The following PRKDC variants were observed in gnomAD, a reference collection of about 807,000 sequenced individuals.
The protein encoded by PRKDC is protein kinase, DNA-activated, catalytic subunit.
A neutral mutation model predicts 486.9 loss-of-function variants in PRKDC; 82 were observed. That is an observed-to-expected ratio of 0.17 (90% CI 0.14 to 0.20). The LOEUF is 0.20. PRKDC is among the 10% of genes least tolerant of loss of function. The pLI is 1.00. For missense variants in PRKDC, 4,504 were observed against 5,038.2 expected (o/e 0.89, Z 3.21); for synonymous variants, 1,895 against 1,837.0 (o/e 1.03, Z -0.81).
At chr8:47,813,067 CA>C (rs2087367131) in intron 68 of PRKDC, among the ~76,000 whole-genome samples, 1 of 151,526 alleles carries the variant, frequency 6.6e-6, no homozygotes, top group African/African-American at 2.4e-5. Flanking sequence ...TACAATTTAA[CA>C]AAAATGACAC....
At chr8:47,792,786 C>G (rs1052273536) in intron 74 of PRKDC, among the ~76,000 whole-genome samples, 1 of 152,178 alleles carries the variant, frequency 6.6e-6, no homozygotes, top group Non-Finnish European at 1.5e-5. Context: ...AAGAGCTGCT[C>G]TTAGATAAAA....
At chr8:47,855,770 T>C (rs1204042209) in intron 49 of PRKDC, among the ~76,000 whole-genome samples, 2 of 152,212 alleles carry the variant, frequency 1.3e-5, no homozygotes, top group Non-Finnish European at 2.9e-5. Context: ...AGCTCTTCCC[T>C]ATAAAACTGC....
rs2090323738 is a variant in PRKDC at position 47,934,969 on chromosome 8, A to G, written c.1497+40T>C. Reference sequence around the variant, plus strand: ...TCAGCAACATTCCTAGCTTTCAGTGATAACAGATTAATTTTCTAAACATTA... The same window carrying G: ...TCAGCAACATTCCTAGCTTTCAGTGGTAACAGATTAATTTTCTAAACATTA... On this transcript the variant is annotated intron_variant, in intron 14 of 85. Coordinates refer to ENST00000314191, the MANE Select transcript of PRKDC (RefSeq NM_006904.7). The G allele has an allele frequency of 4.2e-6, 6 of 1,424,476 alleles. No individual in the cohort carries two copies. The East Asian group carries it at 1.5e-4, about 35-fold the overall frequency. The allele number at this position is 1,424,476 out of a possible 1,614,324, so 88.2% of individuals were successfully genotyped here. A position where few individuals can be genotyped will look rare whatever the true frequency, so the allele number is the denominator to read the frequency against.
intron 68 of PRKDC, among the ~76,000 whole-genome samples, chr8:47,809,453 G>A (rs2087283468): frequency 6.6e-6 from 1 of 152,188 alleles, no homozygotes; most frequent in Non-Finnish European, 1.5e-5. Flanking sequence ...TGTGAATAAA[G>A]TGCCTGGGAT....
At chr8:47,809,497 G>A (rs1392474379) in intron 68 of PRKDC, among the ~76,000 whole-genome samples, 1 of 152,224 alleles carries the variant, frequency 6.6e-6, no homozygotes, top group Non-Finnish European at 1.5e-5. Flanking sequence ...TCCACAGAAT[G>A]AGACAGACTT....
intron 60 of PRKDC, among the ~76,000 whole-genome samples, chr8:47,831,541 G>A (rs1458940477): frequency 2.0e-5 from 3 of 152,104 alleles, no homozygotes; most frequent in East Asian, 3.9e-4. Flanking sequence ...GCCAGGGCGC[G>A]GGCCTTGAGG....
intron 67 of PRKDC, among the ~76,000 whole-genome samples, chr8:47,818,492 T>C (rs1407668670): frequency 4.3e-5 from 6 of 141,172 alleles, no homozygotes; most frequent in Admixed American, 8.0e-5. Context: ...GGCAGGAGAA[T>C]GGCATGAACC....
chr8:47,817,299 A>C, intron 68 of PRKDC, 151 bp downstream of exon 68: 1 of 596,320 alleles, frequency 1.7e-6, no homozygotes, highest in Non-Finnish European at 2.9e-6. Flanking sequence ...GGAGAGCTCT[A>C]TCGGAACTAC....
At chr8:47,789,312 CATATAT>C in intron 74 of PRKDC, 74 bp from the exon 75 acceptor site, 1 of 613,602 alleles carries the variant, frequency 1.6e-6, no homozygotes, top group African/African-American at 1.9e-5. Context: ...ATATACCATA[CATATAT>C]AAGTTATATA....
At chr8:47,812,921 A>T (rs2087363033) in intron 68 of PRKDC, among the ~76,000 whole-genome samples, 3 of 152,156 alleles carry the variant, frequency 2.0e-5, no homozygotes, top group South Asian at 4.1e-4. Context: ...AGACACTACA[A>T]ATAATAAAAA....
chr8:47,858,911 C>T lies in PRKDC; in HGVS notation c.6283G>A (p.Ala2095Thr), dbSNP rs1268580264. Residue 2095 changes from alanine to threonine, a missense_variant, in exon 47 of 86, where the codon GCG (alanine) becomes ACG (threonine). This residue lies in a region of PRKDC where 1,592 missense variants were observed against 1,724.6 expected (regional missense o/e 0.92). Coordinates refer to ENST00000314191, the MANE Select transcript of PRKDC (RefSeq NM_006904.7). ...TGCTTGACCAGGGCCGTCAGGGGCG[C>T]CATGCACTCATGCCGATTGAGCTCG... ...MDELNRHECM[A>T]PLTALVKHMH... The T allele has an allele frequency of 6.2e-7, 1 of 1,613,822 alleles. No homozygotes were observed.
chr8:47,931,069 C>G (rs1385944220), intron 16 of PRKDC, among the ~76,000 whole-genome samples: 1 of 152,072 alleles, frequency 6.6e-6, no homozygotes, highest in African/African-American at 2.4e-5. Context: ...GCAATAATGC[C>G]TTGACAGAGA....
rs371303455 is a variant in PRKDC, at chr8:47,820,962, T to C, written c.9112-19A>G. On this transcript the variant is annotated intron_variant, in intron 65 of 85. Coordinates refer to ENST00000314191, the MANE Select transcript of PRKDC (RefSeq NM_006904.7). ...ATGTTTCCTAAGGAACATAAAAATA[T>C]ACTTGTAACTACAGAAGGCCAATTT... 3 of 1,471,682 alleles carry C rather than the reference T, an allele frequency of 2.0e-6. No homozygotes were observed. The highest frequency in any genetic ancestry group is 2.8e-5 in the African/African-American group (2 of 71,802). The allele number at this position is 1,471,682 out of a possible 1,614,324, so 91.2% of individuals were successfully genotyped here.
At chr8:47,806,110 C>T (rs2087211095) in intron 69 of PRKDC, among the ~76,000 whole-genome samples, 1 of 152,182 alleles carries the variant, frequency 6.6e-6, no homozygotes, top group Admixed American at 6.5e-5. Context: ...TCCCCAGACA[C>T]CTCCCTGTCC....
At chr8:47,812,970 G>A (rs2087364224) in intron 68 of PRKDC, among the ~76,000 whole-genome samples, 1 of 151,794 alleles carries the variant, frequency 6.6e-6, no homozygotes, top group Non-Finnish European at 1.5e-5. Context: ...ATAATTTGAT[G>A]ACTTTGATGA....
At chr8:47,900,879 GT>G (rs1212618272) in intron 27 of PRKDC, among the ~76,000 whole-genome samples, 1 of 151,268 alleles carries the variant, frequency 6.6e-6, no homozygotes, top group African/African-American at 2.4e-5. Context: ...TTTTGTTGTT[GT>G]TTTTTTAAAG....
chr8:47,910,139 G>A (rs1222459755), intron 25 of PRKDC, among the ~76,000 whole-genome samples: 3 of 152,002 alleles, frequency 2.0e-5, no homozygotes, highest in Non-Finnish European at 2.9e-5. Context: ...CAGACCGGCC[G>A]ACACTTAGGG....
intron 21 of PRKDC, among the ~76,000 whole-genome samples, chr8:47,924,490 G>A (rs1000346058): frequency 1.3e-5 from 2 of 152,060 alleles, no homozygotes; most frequent in African/African-American, 4.8e-5. Flanking sequence ...AGCCCAGCAG[G>A]CAGAGGTTTC....
chr8:47,774,238 T>G lies in PRKDC; in HGVS notation c.12322A>C (p.Met4108Leu). The G allele has an allele frequency of 1.9e-6, 3 of 1,603,592 alleles. No homozygotes were observed. Among genetic ancestry groups the G allele is most frequent in the Non-Finnish European group, 2.6e-6 (3 of 1,175,156 alleles). Residue 4108 changes from methionine (M) to leucine (L), a missense_variant, in exon 86 of 86, where the codon ATG becomes CTG. Met to Leu is a conservative substitution (Grantham distance 15). Around this residue, in one of 6 missense-constraint regions of PRKDC, gnomAD observed 706 missense variants for 945.0 expected, o/e 0.75. Coordinates refer to ENST00000314191, the MANE Select transcript of PRKDC (RefSeq NM_006904.7). ...ATGTTGGGGTCTGTTGCCTGGTCCA[T>G]CAGGCACTTCACTTGAGTCTCTTCT... ...LSEETQVKCL[M>L]DQATDPNILG... is the part of the protein sequence containing the mutation.
Sources: allele counts gnomAD v4.1 joint callset (sites outside exome capture counted in the v4.1 genomes callset), GRCh38; gene constraint gnomAD v4.1.1; regional missense constraint gnomAD v4.1.1; transcripts MANE v1.5; gene names NCBI Gene and HGNC (gene_info 2026-07-23, HGNC 2026-07-21).